FHIP1A: variants seen among roughly 807,000 people sequenced by gnomAD.
FHIP1A encodes the protein FHF complex subunit HOOK-interacting protein 1A.
A neutral mutation model predicts 88.6 loss-of-function variants in FHIP1A; 61 were observed. The observed-to-expected ratio is 0.69, with a 90% CI of 0.56 to 0.85. The LOEUF (loss-of-function observed/expected upper bound fraction) is 0.85, where lower values mean the gene tolerates loss of function less well. FHIP1A is among the 40% of genes least tolerant of loss of function. FHIP1A has a pLI of 0.00. For missense variants in FHIP1A, 1,154 were observed against 1,273.5 expected (o/e 0.91, Z 1.43); for synonymous variants, 478 against 496.0 (o/e 0.96, Z 0.48).
chr4:151,571,463 T>C (rs563756261), intron 4 of FHIP1A, among the ~76,000 whole-genome samples: 1 of 152,306 alleles, frequency 6.6e-6, no homozygotes, highest in South Asian at 2.1e-4. Context: ...CAGAACCATC[T>C]AGATTGGTTA....
intron 3 of FHIP1A, among the ~76,000 whole-genome samples, chr4:151,509,759 TTG>T (rs113966280): frequency 1.2e-3 from 169 of 146,934 alleles, no homozygotes; most frequent in East Asian, 2.0e-3. Context: ...GTCTCTATGT[TTG>T]TGTGTGTGTG....
chr4:151,555,099 C>G (rs116115498), intron 3 of FHIP1A, among the ~76,000 whole-genome samples: 20 of 152,184 alleles, frequency 1.3e-4, no homozygotes, highest in African/African-American at 4.1e-4. Context: ...GGGCTCTGTT[C>G]AGGCAGTTAC....
chr4:151,572,468 T>TA (rs1353802032), intron 4 of FHIP1A, among the ~76,000 whole-genome samples: 1 of 152,194 alleles, frequency 6.6e-6, no homozygotes, highest in Non-Finnish European at 1.5e-5. Context: ...GCTGTTATCT[T>TA]AATATAAAAA....
chr4:151,444,875 T>G (rs1728535793), intron 1 of FHIP1A, among the ~76,000 whole-genome samples: 1 of 152,212 alleles, frequency 6.6e-6, no homozygotes, highest in African/African-American at 2.4e-5. Context: ...AGAACACTTC[T>G]GATACAAAAT....
In FHIP1A at chr4:151,662,950, A is replaced by C; in HGVS notation, c.*196A>C. On this transcript the variant is annotated 3_prime_UTR_variant, in exon 14 of 14. Coordinates refer to ENST00000435205, the MANE Select transcript of FHIP1A (RefSeq NM_001109977.3). ...CTTTCCACCTTATGTTATATATAGA[A>C]TGTAAGTCTCATAAGCTGGTTGCTC... 2.0e-6 allele frequency: 1 copy of C among 494,938 alleles called. No individual in the cohort carries two copies. Among genetic ancestry groups the C allele is most frequent in the Non-Finnish European group, 3.4e-6 (1 of 296,116 alleles). 30.7% of individuals were successfully genotyped at this position (494,938 alleles called of 1,614,324 possible). A position where few individuals can be genotyped will look rare whatever the true frequency, so the allele number is the denominator to read the frequency against.
intron 3 of FHIP1A, among the ~76,000 whole-genome samples, chr4:151,546,385 T>G (rs1010421874): frequency 6.6e-6 from 1 of 152,222 alleles, no homozygotes; most frequent in Non-Finnish European, 1.5e-5. Context: ...GGTCTCCAGC[T>G]TGCAGATGGA....
chr4:151,529,372 T>C (rs1731793070), intron 3 of FHIP1A, among the ~76,000 whole-genome samples: 1 of 152,206 alleles, frequency 6.6e-6, no homozygotes, highest in Admixed American at 6.5e-5. Flanking sequence ...GTTGCCCTTG[T>C]GTCTCAGATT....
At chr4:151,419,446 C>G (rs993036593) in intron 1 of FHIP1A, among the ~76,000 whole-genome samples, 1 of 152,156 alleles carries the variant, frequency 6.6e-6, no homozygotes, top group African/African-American at 2.4e-5. Flanking sequence ...TATAAACACA[C>G]ACATACATCT....
At chr4:151,480,201 T>C (rs1729843732) in intron 2 of FHIP1A, among the ~76,000 whole-genome samples, 1 of 152,082 alleles carries the variant, frequency 6.6e-6, no homozygotes, top group African/African-American at 2.4e-5. Flanking sequence ...TCGGCTTCCT[T>C]TGAAGTCATG....
chr4:151,619,632 T>C (rs904114659), intron 7 of FHIP1A, among the ~76,000 whole-genome samples: 2 of 152,262 alleles, frequency 1.3e-5, no homozygotes, highest in Non-Finnish European at 2.9e-5. Context: ...TGCGAATAAA[T>C]GTTAGTTGGT....
chr4:151,530,066 T>A (rs7662214), intron 3 of FHIP1A, among the ~76,000 whole-genome samples: 18,884 of 152,168 alleles, frequency 0.12, 1,293 homozygotes, highest in African/African-American at 0.17. Flanking sequence ...ATTCTGAGTT[T>A]GCGTTTATTG....
chr4:151,561,966 T>TAATG, intron 3 of FHIP1A, among the ~76,000 whole-genome samples: 1 of 152,150 alleles, frequency 6.6e-6, no homozygotes, highest in African/African-American at 2.4e-5. Context: ...GTACATAAAA[T>TAATG]AATGACTCAA....
rs1470968070 is a variant in FHIP1A, at chr4:151,646,590, G to A, written c.1259G>A (p.Ser420Asn). ...YLIPCNHMMLSQRWAVKERDC... is the reference protein window; with the variant it reads ...YLIPCNHMMLNQRWAVKERDC... ...ATCCCCTGCAATCACATGATGCTGA[G>A]TCAGAGGTGGGCTGTGAAGGAGAGA... The change falls in exon 10 of 14, where the codon AGT (serine) becomes AAT (asparagine). Residue 420 changes from serine to asparagine, a missense_variant. Transcript: ENST00000435205. The A allele has an allele frequency of 6.4e-7, 1 of 1,551,592 alleles. No individual in the cohort carries two copies. The highest frequency in any genetic ancestry group is 8.7e-7 in the Non-Finnish European group (1 of 1,146,926).
intron 2 of FHIP1A, among the ~76,000 whole-genome samples, chr4:151,468,109 C>G (rs1242648446): frequency 1.3e-5 from 2 of 151,380 alleles, no homozygotes; most frequent in Admixed American, 1.3e-4. Context: ...GCAGTGAAAC[C>G]CCGTCTCTAC....
intron 11 of FHIP1A, among the ~76,000 whole-genome samples, chr4:151,652,765 A>C (rs1484964479): frequency 6.6e-6 from 1 of 152,212 alleles, no homozygotes; most frequent in Non-Finnish European, 1.5e-5. Context: ...GGCAGAGGAG[A>C]CACCAGGAGG....
At chr4:151,451,626 T>G (rs1728792036) in intron 1 of FHIP1A, among the ~76,000 whole-genome samples, 1 of 152,174 alleles carries the variant, frequency 6.6e-6, no homozygotes, top group Non-Finnish European at 1.5e-5. Context: ...AAGAGGTCAA[T>G]TTCTTCCTAC....
chr4:151,621,898 T>C (rs999059919), intron 7 of FHIP1A, among the ~76,000 whole-genome samples: 3 of 152,046 alleles, frequency 2.0e-5, no homozygotes, highest in African/African-American at 7.2e-5. Flanking sequence ...TCACTATAAA[T>C]GGAAAATTTC....
intron 2 of FHIP1A, among the ~76,000 whole-genome samples, chr4:151,459,187 A>G (rs1315683009): frequency 6.6e-6 from 1 of 152,116 alleles, no homozygotes; most frequent in African/African-American, 2.4e-5. Context: ...TAAAGTATAT[A>G]TATACACACA....
intron 7 of FHIP1A, among the ~76,000 whole-genome samples, chr4:151,599,763 T>A (rs1436347425): frequency 6.6e-6 from 1 of 152,150 alleles, no homozygotes; most frequent in African/African-American, 2.4e-5. Context: ...GTCTGCAAGG[T>A]GCATTTCCAA....
Sources: gnomAD v4.1 joint callset for allele counts (sites outside exome capture counted in the v4.1 genomes callset) on GRCh38, gnomAD v4.1.1 for gene constraint, MANE v1.5 for transcripts, NCBI Gene and HGNC (gene_info 2026-07-23, HGNC 2026-07-21) for gene names.